The following DST variants were observed in gnomAD, a reference collection of about 807,000 sequenced individuals.
DST encodes the protein dystonin, also known as bullous pemphigoid antigen.
A neutral mutation model predicts 875.2 loss-of-function variants in DST; 253 were observed. The observed-to-expected ratio is 0.29, with a 90% confidence interval of 0.26 to 0.32. DST has a LOEUF of 0.32. DST is among the 10% of genes least tolerant of loss of function. The probability of loss-of-function intolerance (pLI) is 1.00; values close to 1 mark genes in which losing one functional copy is unlikely to be tolerated. For synonymous variants in DST, 3,124 were observed against 3,197.1 expected (o/e 0.98, Z 0.77); for missense variants, 8,287 against 9,111.6 (o/e 0.91, Z 3.68).
chr6:56,783,369 G>T (rs2099698281), intron 4 of DST, among the ~76,000 whole-genome samples: 1 of 152,116 alleles, frequency 6.6e-6, no homozygotes. Context: ...AAGTCTCCTT[G>T]TAGGTCACTC....
intron 55 of DST, 100 bp from the exon 56 acceptor site, chr6:56,562,300 A>G: frequency 1.4e-6 from 1 of 717,912 alleles, no homozygotes. Flanking sequence ...GTAATCACAC[A>G]TAAAACACTG....
At chr6:56,637,799 T>C (rs958963401) in intron 22 of DST, among the ~76,000 whole-genome samples, 2 of 152,118 alleles carry the variant, frequency 1.3e-5, no homozygotes, top group Non-Finnish European at 2.9e-5. Flanking sequence ...CTATTTTAAG[T>C]AAGCCTGTCA....
At chr6:56,549,583 G>C (rs1375536988) in intron 61 of DST, among the ~76,000 whole-genome samples, 1 of 152,176 alleles carries the variant, frequency 6.6e-6, no homozygotes, top group African/African-American at 2.4e-5. Flanking sequence ...AGCAGCAGTA[G>C]TGGTGATCAC....
Position 56,466,113 on chromosome 6 carries a change from A to G in DST, c.22652T>C (p.Leu7551Pro), listed in dbSNP as rs776974015. ...ATCATTTTTCACTAAGAACTCATCA[A>G]GTGCCATCCATCCACCTCCAACACG... Reference protein sequence around the residue: ...MVRVGGGWMALDEFLVKNDPC... With the variant: ...MVRVGGGWMAPDEFLVKNDPC... Residue 7551 changes from leucine (L) to proline (P), a missense_variant, in exon 99 of 104, where the codon CTT (leucine) becomes CCT (proline). By Grantham distance (98) the Leu-to-Pro change is moderately conservative (BLOSUM62 -3). Around this residue, in one of 10 missense-constraint regions of DST, gnomAD observed 87 missense variants for 209.7 expected, o/e 0.41. Transcript: ENST00000680361. 6.2e-7 allele frequency: 1 copy of G among 1,613,518 alleles called. No individual in the cohort carries two copies. The highest frequency in any genetic ancestry group is 1.1e-5 in the South Asian group (1 of 90,872).
intron 4 of DST, among the ~76,000 whole-genome samples, chr6:56,754,140 T>C (rs1256794474): frequency 6.6e-6 from 1 of 152,210 alleles, no homozygotes; most frequent in African/African-American, 2.4e-5. Context: ...CTGAAGAATA[T>C]ATAGTGATAG....
At chr6:56,935,122 T>C (rs537414201) in intron 2 of DST, among the ~76,000 whole-genome samples, 1 of 152,300 alleles carries the variant, frequency 6.6e-6, no homozygotes, top group East Asian at 1.9e-4. Context: ...TTGAGTCCAT[T>C]ATTAACTGAA....
chr6:56,586,053 G>GA lies in DST; in HGVS notation c.12903+6128dup, dbSNP rs547806525. Among the ~76,000 whole-genome samples, 1,114 of 152,014 alleles carry GA rather than the reference G, an allele frequency of 7.3e-3. 12 individuals are homozygous for GA. Among genetic ancestry groups the GA allele is most frequent in the African/African-American group, 0.024 (1,003 of 41,388 alleles). ...TTTGGAATAGGTGTGGTGTGGTGCT[G>GA]AAAAAAAATGTATATTCTGTTGATT... On this transcript the variant is annotated intron_variant, in intron 49 of 103. Coordinates refer to ENST00000680361, the MANE Select transcript of DST (RefSeq NM_001374736.1).
intron 2 of DST, among the ~76,000 whole-genome samples, chr6:56,927,348 A>G (rs1051941014): frequency 6.6e-5 from 10 of 152,250 alleles, no homozygotes; most frequent in African/African-American, 2.4e-4. Context: ...TTAATGTTAA[A>G]TGCTATCTGA....
chr6:56,526,487 T>C lies in DST; in HGVS notation c.18003A>G (p.Val6001=). Reference sequence around the variant, plus strand: ...CAAGTCCTTCTCTTGCCCTCCATGGTACCAGTTCCAGCAAAGCACTGCTCA... The same window carrying C: ...CAAGTCCTTCTCTTGCCCTCCATGGCACCAGTTCCAGCAAAGCACTGCTCA... ...NEVSSALLEL[V]PWRAREGLEK... Residue 6001 remains valine (V), a synonymous_variant, in exon 69 of 104, where the codon GTA becomes GTG. Coordinates refer to ENST00000680361, the MANE Select transcript of DST (RefSeq NM_001374736.1). The C allele has an allele frequency of 1.2e-6, 2 of 1,613,882 alleles. No individual in the cohort carries two copies. Among genetic ancestry groups the C allele is most frequent in the South Asian group, 1.1e-5 (1 of 91,082 alleles).
rs544845403 is a variant in DST, at chr6:56,887,428, C to T, written c.417+12993G>A. Among the ~76,000 whole-genome samples, 7 of 152,256 alleles carry T rather than the reference C, an allele frequency of 4.6e-5. No homozygotes were observed. In the South Asian group the frequency reaches 1.2e-3, roughly 27 times the overall value. On this transcript the variant is annotated intron_variant, in intron 3 of 103. Transcript: ENST00000680361. ...AACAGAATTCTGAGGTAAGCTATGGCTGTGTCCTTTAAAATAAAGGAAGCT... is the reference window on the plus strand; with the variant it reads ...AACAGAATTCTGAGGTAAGCTATGGTTGTGTCCTTTAAAATAAAGGAAGCT...
intron 48 of DST, 144 bp downstream of exon 48, chr6:56,593,516 CAAA>C (rs58251502): frequency 1.3e-3 from 411 of 318,318 alleles, no homozygotes; most frequent in South Asian, 4.0e-3. Flanking sequence ...GACTCCTTCT[CAAA>C]AAAAAAAAAA....
rs368442155 is a variant in DST, at chr6:56,934,586, ATATC to A, written c.216+19195_216+19198del. On this transcript the variant is annotated intron_variant, in intron 2 of 103. Coordinates refer to ENST00000680361, the MANE Select transcript of DST (RefSeq NM_001374736.1). ...TATATATATATATATATATATATATATATCGTGAGAGAGAGAGAAGGAGGGGAGA... is the reference window on the plus strand; with the variant it reads ...TATATATATATATATATATATATATAGTGAGAGAGAGAGAAGGAGGGGAGA... 1.8e-3 allele frequency among the ~76,000 whole-genome samples: 241 copies of A among 134,848 alleles called. 15 individuals carry two copies. Among genetic ancestry groups the A allele is most frequent in the African/African-American group, 3.2e-3 (117 of 36,856 alleles). The allele number at this position is 134,848 out of a possible 152,430, so 88.5% of individuals were successfully genotyped here. A position where few individuals can be genotyped will look rare whatever the true frequency, so the allele number is the denominator to read the frequency against.
At chr6:56,460,837 T>TA (rs2152372569) in intron 102 of DST, 1 of 152,348 alleles carries the variant, frequency 6.6e-6, no homozygotes, top group East Asian at 1.9e-4. Flanking sequence ...TTCCTGGCTC[T>TA]ATCACTTCTA....
chr6:56,485,199 T>G (rs762660386), intron 88 of DST, 113 bp downstream of exon 88: 1 of 1,174,134 alleles, frequency 8.5e-7, no homozygotes, highest in Non-Finnish European at 1.2e-6. Context: ...AAGACTGTTA[T>G]GTAGTATGAT....
At chr6:56,586,155 A>G (rs1364999941) in intron 49 of DST, among the ~76,000 whole-genome samples, 4 of 151,640 alleles carry the variant, frequency 2.6e-5, no homozygotes, top group African/African-American at 9.7e-5. Flanking sequence ...TATCCTTGTT[A>G]ACTTTCTGTC....
intron 97 of DST, 115 bp from the exon 98 acceptor site, chr6:56,469,114 T>G: frequency 1.5e-6 from 1 of 680,062 alleles, no homozygotes; most frequent in Non-Finnish European, 2.3e-6. Flanking sequence ...TAGTATCTAG[T>G]TTAGAGATGT....
In DST at chr6:56,629,239, A is replaced by G. The variant is rs2098757944; in HGVS notation, c.4475+11T>C. The G allele has an allele frequency of 4.3e-6, 7 of 1,613,390 alleles. No individual in the cohort carries two copies. Among genetic ancestry groups the G allele is most frequent in the Non-Finnish European group, 5.9e-6 (7 of 1,179,442 alleles). On this transcript the variant is annotated intron_variant, in intron 32 of 103. Coordinates refer to ENST00000680361, the MANE Select transcript of DST (RefSeq NM_001374736.1). ...AATCTGTGCTAAAACTGAACAAAAAAGGATACTAACCTGTTGTCAATCTGC... is the reference window on the plus strand; with the variant it reads ...AATCTGTGCTAAAACTGAACAAAAAGGGATACTAACCTGTTGTCAATCTGC...
chr6:56,608,614 A>G lies in DST; in HGVS notation c.6014T>C (p.Met2005Thr), dbSNP rs547560805. The G allele has an allele frequency of 3.7e-6, 6 of 1,613,324 alleles. No homozygotes were observed. The highest frequency in any genetic ancestry group is 2.7e-5 in the African/African-American group (2 of 74,930). The change falls in exon 40 of 104, where the codon ATG (methionine) becomes ACG (threonine). Residue 2005 changes from methionine to threonine, a missense_variant. By Grantham distance (81) the Met-to-Thr change is moderately conservative. Around this residue, in one of 10 missense-constraint regions of DST, gnomAD observed 3,138 missense variants for 3,116.6 expected, o/e 1.01. Transcript: ENST00000680361. The stretch of plus-strand genomic sequence containing the variant: ...TTCTCTGACAGCTTCTTCAACAGTC[A>G]TTCTTTGGCCAGAGTTGGAATTGAT... ...GLINSNSGQR[M>T]TVEEAVREGV...
chr6:56,603,402 C>A lies in DST; in HGVS notation c.10960G>T (p.Ala3654Ser), dbSNP rs749174032. The change falls in exon 42 of 104, where the codon GCT becomes TCT. Residue 3654 changes from alanine to serine, a missense_variant. Physicochemically the swap from Ala to Ser is moderately conservative, Grantham distance 99. Around this residue, in one of 10 missense-constraint regions of DST, gnomAD observed 3,138 missense variants for 3,116.6 expected, o/e 1.01. Coordinates refer to ENST00000680361, the MANE Select transcript of DST (RefSeq NM_001374736.1). ...RQLETFELGL[A>S]PIAVILRKDM... ...TTTCTTAAAATAACAGCAATTGGAG[C>A]TAATCCCAATTCAAATGTCTGCAAA... 8.1e-6 allele frequency: 13 copies of A among 1,610,232 alleles called. No homozygotes were observed. In the South Asian group the frequency reaches 1.4e-4, roughly 18 times the overall value.
Sources: allele counts gnomAD v4.1 joint callset (sites outside exome capture counted in the v4.1 genomes callset), GRCh38; gene constraint gnomAD v4.1.1; regional missense constraint gnomAD v4.1.1; transcripts MANE v1.5; gene names NCBI Gene and HGNC (gene_info 2026-07-23, HGNC 2026-07-21).